KLHL1: variants seen among roughly 807,000 people sequenced by gnomAD.
The protein encoded by KLHL1 is kelch-like protein 1.
In KLHL1, 47 loss-of-function variants were observed where a neutral mutation model predicts 77.7. That is an observed-to-expected ratio of 0.60 (90% CI 0.48 to 0.77). The LOEUF (loss-of-function observed/expected upper bound fraction) is 0.77. KLHL1 is among the 30% of genes least tolerant of loss of function. The pLI, the probability that KLHL1 is intolerant of heterozygous loss-of-function variation, is 0.00. For synonymous variants in KLHL1, 360 were observed against 325.2 expected (o/e 1.11, Z -1.15); for missense variants, 925 against 910.8 (o/e 1.02, Z -0.20).
intron 3 of KLHL1, among the ~76,000 whole-genome samples, chr13:69,950,672 C>A (rs573246863): frequency 6.6e-6 from 1 of 151,710 alleles, no homozygotes; most frequent in African/African-American, 2.4e-5. Flanking sequence ...CAGATATGTT[C>A]TTTTGGTCAT....
chr13:69,808,228 G>C (rs1877706316), intron 6 of KLHL1, among the ~76,000 whole-genome samples: 1 of 152,034 alleles, frequency 6.6e-6, no homozygotes, highest in African/African-American at 2.4e-5. Context: ...TGTTTCTTGG[G>C]CTTCTTTAGC....
At chr13:70,049,073 T>C (rs931071563) in intron 1 of KLHL1, among the ~76,000 whole-genome samples, 1 of 152,208 alleles carries the variant, frequency 6.6e-6, no homozygotes. Context: ...GTACTAATAA[T>C]AAATATTTAA....
intron 5 of KLHL1, 63 bp from the exon 6 acceptor site, chr13:69,839,225 T>C: frequency 8.6e-7 from 1 of 1,163,350 alleles, no homozygotes; most frequent in Non-Finnish European, 1.2e-6. Flanking sequence ...ATGTCATTCC[T>C]TAAAACTAGA....
intron 1 of KLHL1, among the ~76,000 whole-genome samples, chr13:70,039,329 C>CT (rs1230890261): frequency 6.6e-6 from 1 of 152,100 alleles, no homozygotes; most frequent in Non-Finnish European, 1.5e-5. Flanking sequence ...AACAATCCTC[C>CT]TGCCATGGCC....
At chr13:70,019,744 C>A (rs1885743468) in intron 1 of KLHL1, among the ~76,000 whole-genome samples, 1 of 152,084 alleles carries the variant, frequency 6.6e-6, no homozygotes, top group Non-Finnish European at 1.5e-5. Context: ...ATATATTATA[C>A]TGTCTCTTGA....
At chr13:69,981,841 A>G (rs892900951) in intron 1 of KLHL1, among the ~76,000 whole-genome samples, 3 of 152,086 alleles carry the variant, frequency 2.0e-5, no homozygotes, top group East Asian at 3.9e-4. Context: ...AACCAAAAGA[A>G]TGCAAATGTG....
chr13:70,050,084 A>C (rs939428356), intron 1 of KLHL1, among the ~76,000 whole-genome samples: 1 of 151,962 alleles, frequency 6.6e-6, no homozygotes, highest in African/African-American at 2.4e-5. Context: ...GCTACCTTTC[A>C]TTGATTATTT....
intron 3 of KLHL1, among the ~76,000 whole-genome samples, chr13:69,955,989 T>C (rs1883860353): frequency 9.0e-6 from 1 of 110,542 alleles, no homozygotes; most frequent in South Asian, 2.9e-4. Context: ...TATTTATATA[T>C]TTATTTGATA....
At chr13:69,850,092 T>C (rs1879624675) in intron 5 of KLHL1, among the ~76,000 whole-genome samples, 1 of 151,528 alleles carries the variant, frequency 6.6e-6, no homozygotes, top group African/African-American at 2.4e-5. Context: ...CAGAAATAAT[T>C]TGGGCTCATG....
rs9564612 is a variant in KLHL1 at position 69,783,160 on chromosome 13, A to T, written c.1639+13578T>A. Among the ~76,000 whole-genome samples the T allele has an allele frequency of 1.5e-3, 234 of 151,910 alleles. 2 individuals are homozygous for T. Among genetic ancestry groups the T allele is most frequent in the African/African-American group, 5.3e-3 (219 of 41,310 alleles). ...CTAACAAACAGAAAGGACATCCACAACAAAAACCCTTCTGTACATCACCAT... is the reference window on the plus strand; with the variant it reads ...CTAACAAACAGAAAGGACATCCACATCAAAAACCCTTCTGTACATCACCAT... On this transcript the variant is annotated intron_variant, in intron 7 of 10. Coordinates refer to ENST00000377844, the MANE Select transcript of KLHL1 (RefSeq NM_020866.3).
chr13:69,926,962 A>AAAAAAAAAAAAAAAAC (rs1882837526), intron 4 of KLHL1, among the ~76,000 whole-genome samples: 1 of 149,344 alleles, frequency 6.7e-6, no homozygotes, highest in South Asian at 2.1e-4. Flanking sequence ...AAAAAAAAAA[A>AAAAAAAAAAAAAAAAC]AAAAAAAAGC....
chr13:69,746,914 A>T lies in KLHL1; in HGVS notation c.1640-6358T>A, dbSNP rs180687384. Among the ~76,000 whole-genome samples, 758 of 152,200 alleles carry T rather than the reference A, an allele frequency of 5.0e-3. 3 individuals are homozygous for T. Among genetic ancestry groups the T allele is most frequent in the African/African-American group, 0.018 (741 of 41,590 alleles). ...TCCAGGGTCTTGATGCATTTGTGTA[A>T]GCCTCCATAAAAAGGTTAAACTCTA... On this transcript the variant is annotated intron_variant, in intron 7 of 10. Transcript: ENST00000377844.
chr13:69,882,218 G>T, intron 5 of KLHL1, 65 bp downstream of exon 5: 1 of 1,111,674 alleles, frequency 9.0e-7, no homozygotes, highest in Non-Finnish European at 1.3e-6. Context: ...GTGTTTTGAT[G>T]TTTACTTTTA....
chr13:69,716,085 A>T (rs1279027056), intron 9 of KLHL1, among the ~76,000 whole-genome samples: 6 of 152,148 alleles, frequency 3.9e-5, no homozygotes, highest in Admixed American at 6.6e-5. Flanking sequence ...GTCATAAAGT[A>T]AACCTCAAAT....
intron 7 of KLHL1, among the ~76,000 whole-genome samples, chr13:69,795,174 C>T (rs189242033): frequency 1.3e-5 from 2 of 152,150 alleles, no homozygotes; most frequent in Non-Finnish European, 2.9e-5. Context: ...CTTTTATTGG[C>T]GTGTAAATCA....
In KLHL1 at chr13:69,795,738, A is replaced by G. The variant is rs116776093; in HGVS notation, c.1639+1000T>C. On this transcript the variant is annotated intron_variant, in intron 7 of 10. Coordinates refer to ENST00000377844, the MANE Select transcript of KLHL1 (RefSeq NM_020866.3). ...AAATCATGCAAATAGAAAGTGATAA[A>G]TTCAAGATGCACATCGAGATCCGAA... Among the ~76,000 whole-genome samples, 299 of 152,288 alleles carry G rather than the reference A, an allele frequency of 2.0e-3. 1 individual carries two copies. Among genetic ancestry groups the G allele is most frequent in the African/African-American group, 6.8e-3 (284 of 41,560 alleles).
At chr13:69,973,791 C>T (rs1170677025) in intron 2 of KLHL1, among the ~76,000 whole-genome samples, 1 of 151,904 alleles carries the variant, frequency 6.6e-6, no homozygotes, top group Non-Finnish European at 1.5e-5. Context: ...ATGTACATTA[C>T]TTGTAAAATA....
intron 5 of KLHL1, among the ~76,000 whole-genome samples, chr13:69,858,943 G>C (rs1880029250): frequency 6.6e-6 from 1 of 152,042 alleles, no homozygotes. Context: ...CATTTCTCTT[G>C]TTCTTTCTCT....
At chr13:69,738,630 C>T (rs1057266974) in intron 8 of KLHL1, among the ~76,000 whole-genome samples, 4 of 151,730 alleles carry the variant, frequency 2.6e-5, no homozygotes, top group Non-Finnish European at 4.4e-5. Context: ...CTGGATAAGC[C>T]AAGCAGAAGA....
Sources: allele counts gnomAD v4.1 joint callset (sites outside exome capture counted in the v4.1 genomes callset), GRCh38; gene constraint gnomAD v4.1.1; transcripts MANE v1.5; gene names NCBI Gene and HGNC (gene_info 2026-07-23, HGNC 2026-07-21).